ARHGAP42: variants seen among roughly 807,000 people sequenced by gnomAD.
ARHGAP42 encodes the protein rho GTPase-activating protein 42.
A neutral mutation model predicts 125.0 loss-of-function variants in ARHGAP42; 63 were observed. The ratio of observed to expected loss-of-function variants is 0.50; its 90% CI spans 0.41 to 0.62. The LOEUF is 0.62. Among genes scored for constraint, ARHGAP42 ranks in the 20% least tolerant of loss-of-function variants. The pLI, the probability that ARHGAP42 is intolerant of heterozygous loss-of-function variation, is 0.00. For missense variants in ARHGAP42, 766 were observed against 1,024.2 expected (o/e 0.75, Z 3.44); for synonymous variants, 339 against 351.0 (o/e 0.97, Z 0.38).
chr11:100,791,471 G>A (rs1477439245), intron 2 of ARHGAP42, among the ~76,000 whole-genome samples: 4 of 152,232 alleles, frequency 2.6e-5, no homozygotes, highest in African/African-American at 7.2e-5. Context: ...AAAGGATTTA[G>A]AGGAAAATTT....
At chr11:100,713,245 A>T (rs1424210035) in intron 1 of ARHGAP42, among the ~76,000 whole-genome samples, 1 of 152,228 alleles carries the variant, frequency 6.6e-6, no homozygotes, top group Non-Finnish European at 1.5e-5. Flanking sequence ...AACAAATCTC[A>T]TTCCTGTGAC....
rs200581606 is a variant in ARHGAP42, at chr11:100,732,886, CTAAT to C, written c.155-37454_155-37451del. ...TTAAAATCTTGAGATACTTTTTATA[CTAAT>C]TATTCTACTAATTATTCAACATCAA... is the stretch of plus-strand genomic sequence containing the variant. On this transcript the variant is annotated intron_variant, in intron 1 of 23. Coordinates refer to ENST00000298815, the MANE Select transcript of ARHGAP42 (RefSeq NM_152432.4). Among the ~76,000 whole-genome samples, 1,375 of 152,316 alleles carry C rather than the reference CTAAT, an allele frequency of 9.0e-3. 17 individuals are homozygous for C. The highest frequency in any genetic ancestry group is 0.032 in the African/African-American group (1,320 of 41,572).
intron 3 of ARHGAP42, among the ~76,000 whole-genome samples, chr11:100,820,898 T>C (rs534095425): frequency 6.6e-6 from 1 of 150,562 alleles, no homozygotes; most frequent in South Asian, 2.1e-4. Flanking sequence ...CGACCGGAAA[T>C]GTTTTAAGAT....
At chr11:100,911,258 A>G (rs1430185911) in intron 4 of ARHGAP42, among the ~76,000 whole-genome samples, 1 of 152,200 alleles carries the variant, frequency 6.6e-6, no homozygotes, top group Non-Finnish European at 1.5e-5. Flanking sequence ...GGTGGCCACT[A>G]TTATAAGAAG....
intron 1 of ARHGAP42, among the ~76,000 whole-genome samples, chr11:100,745,325 AGTT>A (rs1862276605): frequency 6.6e-6 from 1 of 152,272 alleles, no homozygotes; most frequent in East Asian, 1.9e-4. Flanking sequence ...GTCTTGGCTT[AGTT>A]GTTCTGCTTG....
chr11:100,730,919 G>C (rs894094032), intron 1 of ARHGAP42, among the ~76,000 whole-genome samples: 1 of 152,088 alleles, frequency 6.6e-6, no homozygotes, highest in Non-Finnish European at 1.5e-5. Flanking sequence ...AATATAGAAA[G>C]AGTACAGTAA....
chr11:100,733,729 G>A (rs1258009457), intron 1 of ARHGAP42, among the ~76,000 whole-genome samples: 1 of 144,848 alleles, frequency 6.9e-6, no homozygotes, highest in Non-Finnish European at 1.5e-5. Context: ...GGAGGCTGAG[G>A]CATGAGAATT....
At chr11:100,813,269 A>G (rs144714581) in intron 3 of ARHGAP42, among the ~76,000 whole-genome samples, 48 of 152,256 alleles carry the variant, frequency 3.2e-4, no homozygotes, top group African/African-American at 1.1e-3. Context: ...CCACACCTCT[A>G]TGCTCTTGAG....
intron 1 of ARHGAP42, among the ~76,000 whole-genome samples, chr11:100,697,501 A>G (rs1861307006): frequency 6.6e-6 from 1 of 152,158 alleles, no homozygotes; most frequent in Non-Finnish European, 1.5e-5. Flanking sequence ...TGGAATTTCT[A>G]TGATATTTCC....
chr11:100,988,618 G>T (rs1858750128), intron 23 of ARHGAP42, 95 bp from the exon 24 acceptor site: 3 of 980,798 alleles, frequency 3.1e-6, no homozygotes, highest in African/African-American at 3.2e-5. Flanking sequence ...AGATACTGAG[G>T]ACTGACAATC....
intron 3 of ARHGAP42, among the ~76,000 whole-genome samples, chr11:100,804,527 G>A (rs909081771): frequency 6.6e-6 from 1 of 150,844 alleles, no homozygotes; most frequent in African/African-American, 2.4e-5. Flanking sequence ...AGTTTTAGAT[G>A]TATATTTTTT....
intron 7 of ARHGAP42, among the ~76,000 whole-genome samples, chr11:100,935,368 CTT>C (rs1867704808): frequency 6.6e-6 from 1 of 152,092 alleles, no homozygotes; most frequent in Admixed American, 6.5e-5. Flanking sequence ...ACACTCACCT[CTT>C]AATAATACCT....
chr11:100,901,109 TC>T (rs1866533361), intron 4 of ARHGAP42, among the ~76,000 whole-genome samples: 1 of 152,186 alleles, frequency 6.6e-6, no homozygotes. Flanking sequence ...TTGATGCTAT[TC>T]CTTTCTATTT....
intron 1 of ARHGAP42, among the ~76,000 whole-genome samples, chr11:100,740,398 G>A (rs555945671): frequency 2.1e-4 from 32 of 152,252 alleles, no homozygotes; most frequent in South Asian, 1.2e-3. Flanking sequence ...GAGCACTAGC[G>A]TTCTTTTATA....
intron 3 of ARHGAP42, among the ~76,000 whole-genome samples, chr11:100,851,416 C>T (rs928308592): frequency 1.2e-4 from 19 of 152,282 alleles, no homozygotes; most frequent in African/African-American, 4.1e-4. Context: ...CAATTCCTAT[C>T]GCCTAATGAC....
At chr11:100,921,906 T>C (rs1037155741) in intron 6 of ARHGAP42, among the ~76,000 whole-genome samples, 8 of 151,874 alleles carry the variant, frequency 5.3e-5, no homozygotes, top group African/African-American at 1.9e-4. Context: ...GTATTAGCAT[T>C]GTTTCATCGA....
intron 4 of ARHGAP42, among the ~76,000 whole-genome samples, chr11:100,890,448 C>T (rs1251709215): frequency 6.6e-6 from 1 of 152,044 alleles, no homozygotes; most frequent in Non-Finnish European, 1.5e-5. Context: ...TACCTCATTC[C>T]ATCCTGTTAA....
intron 3 of ARHGAP42, among the ~76,000 whole-genome samples, chr11:100,812,926 A>C (rs2135062136): frequency 6.6e-6 from 1 of 152,220 alleles, no homozygotes; most frequent in South Asian, 2.1e-4. Flanking sequence ...TTAAAGGACT[A>C]CCCTAATTGT....
intron 3 of ARHGAP42, among the ~76,000 whole-genome samples, chr11:100,851,963 A>G (rs190716478): frequency 6.6e-6 from 1 of 152,302 alleles, no homozygotes; most frequent in Non-Finnish European, 1.5e-5. Flanking sequence ...TACCCAGTGC[A>G]GGTTGGGAAG....
Sources: allele counts gnomAD v4.1 joint callset (sites outside exome capture counted in the v4.1 genomes callset), GRCh38; gene constraint gnomAD v4.1.1; transcripts MANE v1.5; gene names NCBI Gene and HGNC (gene_info 2026-07-23, HGNC 2026-07-21).